DCAF1: variants seen among roughly 807,000 people sequenced by gnomAD.
DCAF1 encodes the protein DDB1- and CUL4-associated factor 1.
In DCAF1, 15 loss-of-function variants were observed where a neutral mutation model predicts 128.0. That is an observed-to-expected ratio of 0.12 (90% CI 0.08 to 0.18). The LOEUF (loss-of-function observed/expected upper bound fraction) is 0.18. DCAF1 is among the 10% of genes least tolerant of loss of function. The probability of loss-of-function intolerance (pLI) is 1.00; values close to 1 mark genes in which losing one functional copy is unlikely to be tolerated. For missense variants in DCAF1, 988 were observed against 1,649.5 expected (o/e 0.60, Z 6.95); for synonymous variants, 610 against 603.0 (o/e 1.01, Z -0.17).
At chr3:51,489,109 T>G (rs1707322387) in intron 2 of DCAF1, among the ~76,000 whole-genome samples, 1 of 152,120 alleles carries the variant, frequency 6.6e-6, no homozygotes, top group Non-Finnish European at 1.5e-5. Flanking sequence ...GACAACAATG[T>G]CTGCCTTTGC....
intron 6 of DCAF1, among the ~76,000 whole-genome samples, chr3:51,447,107 T>A (rs1300626456): frequency 1.3e-5 from 2 of 151,804 alleles, no homozygotes; most frequent in Non-Finnish European, 2.9e-5. Flanking sequence ...TGACCATTTT[T>A]AAAAAAGTCC....
intron 5 of DCAF1, 39 bp from the exon 6 acceptor site, chr3:51,463,266 C>T: frequency 7.3e-7 from 1 of 1,373,016 alleles, no homozygotes; most frequent in Non-Finnish European, 9.9e-7. Context: ...ATCTAAAATT[C>T]AACCCAGTCA....
intron 3 of DCAF1, among the ~76,000 whole-genome samples, chr3:51,472,175 C>G (rs1426929999): frequency 6.6e-6 from 1 of 152,180 alleles, no homozygotes; most frequent in Non-Finnish European, 1.5e-5. Context: ...TGCTTCCTGA[C>G]CACTTCTTCC....
chr3:51,467,768 C>G (rs928290210), intron 4 of DCAF1, among the ~76,000 whole-genome samples: 1 of 152,112 alleles, frequency 6.6e-6, no homozygotes, highest in Non-Finnish European at 1.5e-5. Flanking sequence ...TTGAATTAAA[C>G]AAATGAGCAC....
chr3:51,475,876 G>A (rs1705379372), intron 3 of DCAF1, among the ~76,000 whole-genome samples: 1 of 151,552 alleles, frequency 6.6e-6, no homozygotes. Flanking sequence ...AAAAAAAAAG[G>A]TGGCTTTTGG....
At chr3:51,429,070 A>T (rs1166047119) in intron 12 of DCAF1, among the ~76,000 whole-genome samples, 191 bp downstream of exon 12, 4 of 152,200 alleles carry the variant, frequency 2.6e-5, no homozygotes, top group African/African-American at 9.6e-5. Context: ...AGCAACTTAC[A>T]ACTGGAAGCA....
At chr3:51,492,606 T>A (rs1374770372) in intron 2 of DCAF1, among the ~76,000 whole-genome samples, 2 of 152,146 alleles carry the variant, frequency 1.3e-5, no homozygotes, top group Admixed American at 1.3e-4. Context: ...AGATATCATT[T>A]CTCACCTACT....
At chr3:51,405,089 C>A (rs1259038213) in intron 23 of DCAF1, among the ~76,000 whole-genome samples, 2 of 152,134 alleles carry the variant, frequency 1.3e-5, no homozygotes, top group Non-Finnish European at 2.9e-5. Context: ...TAACAAAGTG[C>A]CACAGTTAAA....
intron 6 of DCAF1, among the ~76,000 whole-genome samples, chr3:51,449,357 G>A (rs1702150576): frequency 1.3e-5 from 2 of 152,012 alleles, no homozygotes; most frequent in Non-Finnish European, 2.9e-5. Flanking sequence ...ACAGGCACAC[G>A]CCATCACGCC....
At chr3:51,401,882 C>G (rs2089727401) in intron 24 of DCAF1, among the ~76,000 whole-genome samples, 1 of 152,214 alleles carries the variant, frequency 6.6e-6, no homozygotes, top group Admixed American at 6.5e-5. Context: ...TCGGCCTACT[C>G]CACTGAATCA....
rs1699130672 is a variant in DCAF1 at position 51,418,822 on chromosome 3, G to A, written c.3291C>T (p.Thr1097=). The A allele has an allele frequency of 3.1e-6, 5 of 1,613,698 alleles. No homozygotes were observed. The highest frequency in any genetic ancestry group is 4.2e-6 in the Non-Finnish European group (5 of 1,179,856). The change falls in exon 16 of 25, where the codon ACC becomes ACT. Residue 1097 remains threonine, a synonymous_variant. Coordinates refer to ENST00000684031, the MANE Select transcript of DCAF1 (RefSeq NM_001387579.1). The part of the protein sequence containing the change: ...REANEDESGF[T]CCAFSARERF... ...GCTCCCGTGCTGAGAATGCACAGCA[G>A]GTGAAGCCACTCTCATCTTCATTGG...
intron 19 of DCAF1, 140 bp downstream of exon 19, chr3:51,414,484 C>A: frequency 7.9e-7 from 1 of 1,267,878 alleles, no homozygotes; most frequent in Non-Finnish European, 1.1e-6. Context: ...ATTTCACTAA[C>A]ATTTCAAACC....
intron 3 of DCAF1, among the ~76,000 whole-genome samples, chr3:51,482,344 C>T (rs1706307830): frequency 6.6e-6 from 1 of 150,506 alleles, no homozygotes; most frequent in East Asian, 1.9e-4. Flanking sequence ...AGTAGGGAGG[C>T]TGAGGTAAGA....
At chr3:51,396,117 A>ACTT (rs1191401070), downstream of DCAF1, 18 of 407,448 alleles carry the variant, frequency 4.4e-5, no homozygotes, top group African/African-American at 2.1e-4. Flanking sequence ...TAAGTCCAAA[A>ACTT]CTTCTTCTCT....
chr3:51,442,873 T>C (rs1221935268), intron 7 of DCAF1, among the ~76,000 whole-genome samples: 1 of 152,016 alleles, frequency 6.6e-6, no homozygotes, highest in Non-Finnish European at 1.5e-5. Flanking sequence ...AAGTGGGAAA[T>C]GAACGATAGG....
Position 51,463,207 on chromosome 3 carries a change from C to T in DCAF1, c.282G>A (p.Met94Ile), listed in dbSNP as rs782127779. 1 of 1,585,658 alleles carries T rather than the reference C, an allele frequency of 6.3e-7. No homozygotes were observed. Among genetic ancestry groups the T allele is most frequent in the Admixed American group, 1.8e-5 (1 of 56,336 alleles). Residue 94 changes from methionine (M) to isoleucine (I), a missense_variant, in exon 6 of 25, where the codon ATG becomes ATA. Physicochemically the swap from Met to Ile is conservative, Grantham distance 10 (BLOSUM62 1). Coordinates refer to ENST00000684031, the MANE Select transcript of DCAF1 (RefSeq NM_001387579.1). ...FMNALVNAYV[M>I]TSREPPLNTA... ...TGTTTAAAGGGGGCTCTCGGCTTGT[C>T]ATCACATATGCATTCACCAGCTGTA...
chr3:51,444,466 T>TCAGC (rs1701652226), intron 6 of DCAF1, among the ~76,000 whole-genome samples: 1 of 152,086 alleles, frequency 6.6e-6, no homozygotes, highest in East Asian at 1.9e-4. Context: ...TTCTCCTGCC[T>TCAGC]CAGCCTCCTG....
Position 51,459,675 on chromosome 3 carries a change from C to T in DCAF1, c.375+3439G>A, listed in dbSNP as rs1398015424. 3.3e-5 allele frequency among the ~76,000 whole-genome samples: 5 copies of T among 152,134 alleles called. No individual in the cohort carries two copies. The South Asian group carries it at 8.3e-4, about 25-fold the overall frequency. ...AATCCTCAATAAAATACTGGCAAAC[C>T]AAATCCAGCAGCACATCAAAAAGCT... is the stretch of plus-strand genomic sequence containing the variant. On this transcript the variant is annotated intron_variant, in intron 6 of 24. Coordinates refer to ENST00000684031, the MANE Select transcript of DCAF1 (RefSeq NM_001387579.1).
intron 6 of DCAF1, among the ~76,000 whole-genome samples, chr3:51,462,561 C>A (rs1385336601): frequency 6.6e-6 from 1 of 152,048 alleles, no homozygotes; most frequent in African/African-American, 2.4e-5. Flanking sequence ...ACCTGACCAA[C>A]ATGGTGAAAT....
Sources: allele counts gnomAD v4.1 joint callset (sites outside exome capture counted in the v4.1 genomes callset), GRCh38; gene constraint gnomAD v4.1.1; transcripts MANE v1.5; gene names NCBI Gene and HGNC (gene_info 2026-07-23, HGNC 2026-07-21).